RBM33: variants seen among roughly 807,000 people sequenced by gnomAD.
RBM33 encodes RNA binding motif protein 33.
In RBM33, 28 loss-of-function variants were observed where a neutral mutation model predicts 132.6. The ratio of observed to expected loss-of-function variants is 0.21; its 90% CI spans 0.16 to 0.29. The LOEUF is 0.29. Ranked by LOEUF, RBM33 falls within the 10% of genes least tolerant of loss-of-function variation. The pLI is 1.00. For synonymous variants in RBM33, 634 were observed against 593.0 expected (o/e 1.07, Z -1.01); for missense variants, 1,291 against 1,518.5 (o/e 0.85, Z 2.49).
chr7:155,774,634 C>G lies in RBM33; in HGVS notation c.3451C>G (p.Gln1151Glu). 6.2e-7 allele frequency: 1 copy of G among 1,613,802 alleles called. No homozygotes were observed. Among genetic ancestry groups the G allele is most frequent in the African/African-American group, 1.3e-5 (1 of 75,040 alleles). The change falls in exon 17 of 18, where the codon CAG (glutamine) becomes GAG (glutamate). Residue 1151 changes from glutamine to glutamate, a missense_variant. Physicochemically the swap from Gln to Glu is conservative, Grantham distance 29 (BLOSUM62 2). Around this residue, in one of 7 missense-constraint regions of RBM33, gnomAD observed 55 missense variants for 101.4 expected, o/e 0.54. Coordinates refer to ENST00000401878, the MANE Select transcript of RBM33 (RefSeq NM_053043.3). This position sits in a 1 kb window ranked among gnomAD's most constrained non-coding sequence, Gnocchi z 4.2. ...GCCAGCCCACGCATTAGCATTTCAG[C>G]AGAAATTCCACAGGTGACCAGTGTG... ...KEPAHALAFQ[Q>E]KFHRHMIDLS...
intron 2 of RBM33, among the ~76,000 whole-genome samples, chr7:155,671,456 A>G (rs1200873852): frequency 1.3e-5 from 2 of 152,194 alleles, no homozygotes; most frequent in African/African-American, 4.8e-5. Flanking sequence ...AATAACGAAT[A>G]AAGTCTTTAG....
At chr7:155,717,801 G>T (rs1296979847) in intron 8 of RBM33, among the ~76,000 whole-genome samples, 3 of 152,112 alleles carry the variant, frequency 2.0e-5, no homozygotes, top group Admixed American at 2.0e-4. Context: ...TCCTTGTTCT[G>T]GTGGATTGAT....
intron 13 of RBM33, among the ~76,000 whole-genome samples, chr7:155,744,409 G>A (rs1405404200): frequency 1.3e-5 from 2 of 152,158 alleles, no homozygotes; most frequent in East Asian, 3.9e-4. Context: ...ACTGCAATCG[G>A]CAACATTTTG....
chr7:155,661,030 AT>A (rs1798624032), intron 1 of RBM33, among the ~76,000 whole-genome samples: 1 of 149,492 alleles, frequency 6.7e-6, no homozygotes, highest in African/African-American at 2.5e-5. Flanking sequence ...TAATGAACTC[AT>A]TTTAGTTATT....
At chr7:155,678,548 T>C (rs533234092) in intron 3 of RBM33, 60 bp from the exon 4 acceptor site, 1 of 1,138,436 alleles carries the variant, frequency 8.8e-7, no homozygotes, top group Non-Finnish European at 1.3e-6. Context: ...AATTTTGTGC[T>C]TTTTAACAAG....
At chr7:155,760,119 T>C (rs1294378929) in intron 14 of RBM33, among the ~76,000 whole-genome samples, 33 of 152,256 alleles carry the variant, frequency 2.2e-4, no homozygotes, top group Admixed American at 2.2e-3. Context: ...TTTACTGATC[T>C]ATTCACTAAA....
At chr7:155,694,956 C>T (rs1799750574) in intron 5 of RBM33, among the ~76,000 whole-genome samples, 1 of 152,138 alleles carries the variant, frequency 6.6e-6, no homozygotes, top group South Asian at 2.1e-4. Flanking sequence ...GGTATGTTTA[C>T]TTTTATAACA....
intron 9 of RBM33, among the ~76,000 whole-genome samples, chr7:155,737,316 G>A (rs114917676): frequency 0.036 from 5,382 of 150,164 alleles, 313 homozygotes; most frequent in African/African-American, 0.13. Context: ...CTAAGGATGC[G>A]TGTCAGAATG....
At chr7:155,716,316 G>GTTTTTTGTTTTTTTTTTTTTT (rs1800460902) in intron 8 of RBM33, among the ~76,000 whole-genome samples, 1 of 102,384 alleles carries the variant, frequency 9.8e-6, no homozygotes, top group African/African-American at 3.9e-5. Flanking sequence ...CTTTTCTGCT[G>GTTTTTTGTTTTTTTTTTTTTT]TTTTTTTTTT....
chr7:155,726,696 A>G (rs1372279760), intron 9 of RBM33, among the ~76,000 whole-genome samples: 1 of 152,234 alleles, frequency 6.6e-6, no homozygotes, highest in Non-Finnish European at 1.5e-5. Flanking sequence ...TATTCCCATG[A>G]AATGATAGAA....
At chr7:155,705,611 G>A (rs1006374524) in intron 6 of RBM33, among the ~76,000 whole-genome samples, 2 of 152,244 alleles carry the variant, frequency 1.3e-5, no homozygotes, top group African/African-American at 4.8e-5. Context: ...GGCTGGGGAA[G>A]AAGGCAGGAG....
At chr7:155,735,721 C>CTG (rs1554481628) in intron 9 of RBM33, among the ~76,000 whole-genome samples, 5 of 131,556 alleles carry the variant, frequency 3.8e-5, no homozygotes, top group African/African-American at 1.8e-4. Context: ...CTCTCTCTGT[C>CTG]TCTCTCTCTC....
At chr7:155,683,595 C>G (rs1302593292) in intron 5 of RBM33, among the ~76,000 whole-genome samples, 1 of 152,152 alleles carries the variant, frequency 6.6e-6, no homozygotes, top group East Asian at 1.9e-4. Flanking sequence ...AAAGCGAGGT[C>G]CAGAGACATC....
At chr7:155,673,940 G>GTTGTTGTTTTTTTTTTGT in intron 3 of RBM33, among the ~76,000 whole-genome samples, 28 of 54,196 alleles carry the variant, frequency 5.2e-4, no homozygotes, top group African/African-American at 2.2e-3. Context: ...TTTAGGCTTA[G>GTTGTTGTTTTTTTTTTGT]TTTTTTTTTT....
chr7:155,747,678 C>T (rs567558527), intron 14 of RBM33, among the ~76,000 whole-genome samples: 1 of 152,160 alleles, frequency 6.6e-6, no homozygotes, highest in African/African-American at 2.4e-5. Flanking sequence ...AGCTGTCAAA[C>T]CAGTACTTTG....
At chr7:155,738,441 G>A (rs956195127) in intron 11 of RBM33, 38 bp downstream of exon 11, 2 of 1,550,152 alleles carry the variant, frequency 1.3e-6, no homozygotes, top group African/African-American at 1.4e-5. Context: ...GAAAAAATGT[G>A]TAGCTTCAAG....
At chr7:155,712,126 G>C (rs973635583) in intron 8 of RBM33, among the ~76,000 whole-genome samples, 2 of 152,240 alleles carry the variant, frequency 1.3e-5, no homozygotes, top group Non-Finnish European at 2.9e-5. Flanking sequence ...GTGACACTTT[G>C]TAAGTCTCCC....
Position 155,742,079 on chromosome 7 carries a change from T to C in RBM33, c.2310T>C (p.Pro770=). The change falls in exon 13 of 18, where the codon CCT becomes CCC. Residue 770 remains proline, a synonymous_variant. Coordinates refer to ENST00000401878, the MANE Select transcript of RBM33 (RefSeq NM_053043.3). ...AGCCAGCTAGCCCTGTGGCTCAACC[T>C]AAAGAAGAGGCAAAAACAGAAACAG... ...KVKPASPVAQ[P]KEEAKTETEF... 6.2e-7 allele frequency: 1 copy of C among 1,613,542 alleles called. No homozygotes were observed. The highest frequency in any genetic ancestry group is 8.5e-7 in the Non-Finnish European group (1 of 1,179,570).
At chr7:155,673,908 T>C (rs1799080769) in intron 3 of RBM33, among the ~76,000 whole-genome samples, 2 of 148,530 alleles carry the variant, frequency 1.3e-5, no homozygotes, top group South Asian at 4.2e-4. Flanking sequence ...AAAAACACTT[T>C]CTGTTCTCAT....
Sources: gnomAD v4.1 joint callset for allele counts (sites outside exome capture counted in the v4.1 genomes callset) on GRCh38, gnomAD v4.1.1 for gene constraint, gnomAD v4.1.1 regional missense constraint, Gnocchi (gnomAD v3.1) non-coding constraint, MANE v1.5 for transcripts, NCBI Gene and HGNC (gene_info 2026-07-23, HGNC 2026-07-21) for gene names.